The following DNM1 variants were observed in gnomAD, a reference collection of about 807,000 sequenced individuals.
DNM1 encodes dynamin 1.
In DNM1, 29 loss-of-function variants were observed where a neutral mutation model predicts 104.6. That is an observed-to-expected ratio of 0.28 (90% confidence interval 0.21 to 0.38). The LOEUF (loss-of-function observed/expected upper bound fraction) is 0.38. DNM1 is among the 10% of genes least tolerant of loss of function. The probability of loss-of-function intolerance (pLI) is 1.00; values close to 1 mark genes in which losing one functional copy is unlikely to be tolerated. For synonymous variants in DNM1, 445 were observed against 475.8 expected (o/e 0.94, Z 0.84); for missense variants, 640 against 1,189.4 (o/e 0.54, Z 6.79).
intron 1 of DNM1, among the ~76,000 whole-genome samples, chr9:128,207,580 G>A (rs543101574): frequency 2.9e-4 from 44 of 152,006 alleles, no homozygotes; most frequent in South Asian, 1.0e-3. Flanking sequence ...CAGAGGGGCC[G>A]AGAGCATGGT....
rs983168541 is a variant in DNM1 at position 128,224,082 on chromosome 9, A to G, written c.1197-169A>G. 2 of 795,502 alleles carry G rather than the reference A, an allele frequency of 2.5e-6. No homozygotes were observed. Among genetic ancestry groups the G allele is most frequent in the Non-Finnish European group, 3.7e-6 (2 of 535,116 alleles). 49.3% of individuals were successfully genotyped at this position (795,502 alleles called of 1,614,324 possible). ...TAACAACAACAACAAAAAACCCTTC[A>G]TTAGAACCCCTCCCTCCCATTTTAC... On this transcript the variant is annotated intron_variant, in intron 9 of 21. Transcript: ENST00000372923. This position sits in a 1 kb window ranked among gnomAD's most constrained non-coding sequence, Gnocchi z 4.3.
chr9:128,250,557 GT>G (rs1391866671), intron 20 of DNM1, among the ~76,000 whole-genome samples, 167 bp from the exon 21 acceptor site: 1 of 152,130 alleles, frequency 6.6e-6, no homozygotes, highest in African/African-American at 2.4e-5. Flanking sequence ...GAGCTGGGGC[GT>G]TGGCGCCGCT....
At chr9:128,246,701 C>CTCCTCCTTCCCTCCCTCTTTTCCT (rs1836840131) in intron 16 of DNM1, among the ~76,000 whole-genome samples, 198 bp downstream of exon 16, 1 of 150,016 alleles carries the variant, frequency 6.7e-6, no homozygotes, top group Non-Finnish European at 1.5e-5. Context: ...CTTCCCTTCC[C>CTCCTCCTTCCCTCCCTCTTTTCCT]TCCTCCTTCC....
chr9:128,206,636 G>A (rs1000200343), intron 1 of DNM1, among the ~76,000 whole-genome samples: 3 of 152,064 alleles, frequency 2.0e-5, no homozygotes, highest in Admixed American at 6.6e-5. Context: ...TGCCAGGGGC[G>A]GGAGAGTTCC....
In DNM1 at chr9:128,219,995, C is replaced by A. The variant is rs1249551555; in HGVS notation, c.597C>A (p.Arg199=). The A allele has an allele frequency of 6.3e-7, 1 of 1,578,682 alleles. No individual in the cohort carries two copies. The highest frequency in any genetic ancestry group is 8.6e-7 in the Non-Finnish European group (1 of 1,161,208). The change falls in exon 5 of 22, where the codon CGC becomes CGA. Residue 199 remains arginine, a synonymous_variant. Coordinates refer to ENST00000372923, the MANE Select transcript of DNM1 (RefSeq NM_004408.4). ...TCCTGCTGGTGCACCCAGGCCAGCGCACCATCGGGGTCATCACCAAGCTGG... is the reference window on the plus strand; with the variant it reads ...TCCTGCTGGTGCACCCAGGCCAGCGAACCATCGGGGTCATCACCAAGCTGG... The part of the protein sequence containing the change: ...VAKEVDPQGQ[R]TIGVITKLDL...
rs1220475715 is a variant in DNM1 at position 128,254,147 on chromosome 9, G to T, written c.2535-507G>T. ...CCCAGGGTCCCTTCAGAGGGTCCTG[G>T]GTTTTCTGAACACCCAGAGGGGCCT... On this transcript the variant is annotated intron_variant, in intron 21 of 21. Coordinates refer to ENST00000372923, the MANE Select transcript of DNM1 (RefSeq NM_004408.4). This position sits in a 1 kb window ranked among gnomAD's most constrained non-coding sequence, Gnocchi z 6.1. 7.7e-7 allele frequency: 1 copy of T among 1,297,216 alleles called. No individual in the cohort carries two copies. The highest frequency in any genetic ancestry group is 1.5e-5 in the African/African-American group (1 of 64,834). The allele number at this position is 1,297,216 out of a possible 1,614,324, so 80.4% of individuals were successfully genotyped here. A position where few individuals can be genotyped will look rare whatever the true frequency, so the allele number is the denominator to read the frequency against.
Position 128,253,004 on chromosome 9 carries a change from G to A in DNM1, c.2535-1650G>A. ...GGCCATGGGGCCTCACAGCATGTGT[G>A]TGCACGCCCGGGCGTGTGCGTGTGT... On this transcript the variant is annotated intron_variant, in intron 21 of 21. Coordinates refer to ENST00000372923, the MANE Select transcript of DNM1 (RefSeq NM_004408.4). The surrounding 1 kb of genome is among the most constrained non-coding windows in gnomAD (Gnocchi z 5.9). The A allele has an allele frequency of 8.2e-7, 1 of 1,217,266 alleles. No homozygotes were observed. The highest frequency in any genetic ancestry group is 1.2e-5 in the South Asian group (1 of 82,536). 75.4% of individuals were successfully genotyped at this position (1,217,266 alleles called of 1,614,324 possible).
chr9:128,247,275 TG>T lies in DNM1; in HGVS notation c.1782-98del. Reference sequence around the variant, plus strand: ...AGGGTCACACAGCTGGGAAATGAGCTGGCCTCAGGCATGTTGACCCCAAAGT... The same window carrying T: ...AGGGTCACACAGCTGGGAAATGAGCTGCCTCAGGCATGTTGACCCCAAAGT... On this transcript the variant is annotated intron_variant, in intron 16 of 21. Coordinates refer to ENST00000372923, the MANE Select transcript of DNM1 (RefSeq NM_004408.4). This position sits in a 1 kb window ranked among gnomAD's most constrained non-coding sequence, Gnocchi z 5.1. 1 of 701,476 alleles carries T rather than the reference TG, an allele frequency of 1.4e-6. No individual in the cohort carries two copies. The highest frequency in any genetic ancestry group is 2.5e-6 in the Non-Finnish European group (1 of 403,734). The allele number at this position is 701,476 out of a possible 1,614,324, so 43.5% of individuals were successfully genotyped here. A position where few individuals can be genotyped will look rare whatever the true frequency, so the allele number is the denominator to read the frequency against.
chr9:128,205,459 C>T (rs949026908), intron 1 of DNM1, among the ~76,000 whole-genome samples: 2 of 152,106 alleles, frequency 1.3e-5, no homozygotes, highest in East Asian at 3.8e-4. Flanking sequence ...AAACTGAGAC[C>T]CTGGAGGTTA....
At position 128,245,599 on chromosome 9, in the gene DNM1, G is replaced by A. The variant is rs2131279744; in HGVS notation, c.1672-795G>A. 6.6e-6 allele frequency among the ~76,000 whole-genome samples: 1 copy of A among 152,216 alleles called. No individual in the cohort carries two copies. The highest frequency in any genetic ancestry group is 2.4e-5 in the African/African-American group (1 of 41,546). ...AGATACACATAACTCCTCCCAGACA[G>A]CTCTAGATAAATCAAACACACAGCC... On this transcript the variant is annotated intron_variant, in intron 15 of 21. Transcript: ENST00000372923. This position sits in a 1 kb window ranked among gnomAD's most constrained non-coding sequence, Gnocchi z 5.2.
At chr9:128,242,459 C>G in intron 15 of DNM1, 114 bp downstream of exon 15, 1 of 619,996 alleles carries the variant, frequency 1.6e-6, no homozygotes, top group Non-Finnish European at 2.9e-6. Flanking sequence ...TAAAATGTCT[C>G]GTCAAAGATC....
chr9:128,246,770 CCCTTCCTCCCTT>C (rs1564351609), intron 16 of DNM1, among the ~76,000 whole-genome samples: 3 of 149,282 alleles, frequency 2.0e-5, no homozygotes, highest in Non-Finnish European at 3.0e-5. Flanking sequence ...CTCCCTCCCT[CCCTTCCTCCCTT>C]CCTTCCATTC....
intron 1 of DNM1, among the ~76,000 whole-genome samples, chr9:128,217,456 G>A (rs545806978): frequency 6.6e-6 from 1 of 152,154 alleles, no homozygotes; most frequent in South Asian, 2.1e-4. Flanking sequence ...TGCTCTTGTC[G>A]CCTAGGCTGG....
At chr9:128,229,529 C>T (rs771675625) in intron 10 of DNM1, among the ~76,000 whole-genome samples, 5 of 140,058 alleles carry the variant, frequency 3.6e-5, no homozygotes, top group African/African-American at 5.4e-5. Flanking sequence ...CCTGGAAGGT[C>T]GAGGCTGCAG....
chr9:128,244,306 TG>T (rs1836608987), intron 15 of DNM1, among the ~76,000 whole-genome samples: 1 of 151,338 alleles, frequency 6.6e-6, no homozygotes, highest in South Asian at 2.1e-4. Flanking sequence ...ATTGAAAGTG[TG>T]GGGGTGCTCA....
At chr9:128,241,870 G>C (rs1836387632) in intron 14 of DNM1, among the ~76,000 whole-genome samples, 1 of 152,186 alleles carries the variant, frequency 6.6e-6, no homozygotes. Flanking sequence ...ACACATCTCA[G>C]AACAGATGAG....
At chr9:128,211,700 C>T (rs1429348231) in intron 1 of DNM1, among the ~76,000 whole-genome samples, 1 of 152,036 alleles carries the variant, frequency 6.6e-6, no homozygotes, top group African/African-American at 2.4e-5. Flanking sequence ...CGTTGTCTTC[C>T]TCTTTCACTG....
chr9:128,224,047 T>G lies in DNM1; in HGVS notation c.1197-204T>G. 1.7e-6 allele frequency: 1 copy of G among 587,290 alleles called. No homozygotes were observed. The allele number at this position is 587,290 out of a possible 1,614,324, so 36.4% of individuals were successfully genotyped here. ...CTGGGCGACAGAGCAAGACTCCGTC[T>G]CAAAAAAAATAACAACAACAACAAA... On this transcript the variant is annotated intron_variant, in intron 9 of 21. Transcript: ENST00000372923. The surrounding 1 kb of genome is among the most constrained non-coding windows in gnomAD (Gnocchi z 4.3).
Position 128,246,953 on chromosome 9 carries a change from G to A in DNM1, c.1782-422G>A. The A allele has an allele frequency of 8.5e-6, 2 of 236,166 alleles. 1 individual carries two copies. Among genetic ancestry groups the A allele is most frequent in the South Asian group, 1.5e-4 (2 of 13,190 alleles). The allele number at this position is 236,166 out of a possible 1,614,324, so 14.6% of individuals were successfully genotyped here. ...TTCCTATAGGGTGGTGGCAGTACTA[G>A]TCCTCTTCCTTCCTGACCCAAGGCT... is the stretch of plus-strand genomic sequence containing the variant. On this transcript the variant is annotated intron_variant, in intron 16 of 21. Transcript: ENST00000372923.
Sources: allele counts gnomAD v4.1 joint callset (sites outside exome capture counted in the v4.1 genomes callset), GRCh38; gene constraint gnomAD v4.1.1; non-coding constraint Gnocchi (gnomAD v3.1); transcripts MANE v1.5; gene names NCBI Gene and HGNC (gene_info 2026-07-23, HGNC 2026-07-21).